Variants in FAM117B observed in about 807,000 individuals in gnomAD.
FAM117B encodes the protein family with sequence similarity 117 member B, also known as protein FAM117B.
Under a neutral mutation model 52.8 loss-of-function variants are expected in FAM117B, and 22 were observed. That is an observed-to-expected ratio of 0.42 (90% CI 0.30 to 0.59). The LOEUF (loss-of-function observed/expected upper bound fraction) is 0.59. FAM117B is among the 20% of genes least tolerant of loss of function. FAM117B has a pLI of 0.22. For missense variants in FAM117B, 678 were observed against 802.6 expected, an observed-to-expected ratio of 0.84 and a Z score of 1.88; for synonymous variants, 309 against 324.1, an observed-to-expected ratio of 0.95 and a Z score of 0.50.
intron 4 of FAM117B, among the ~76,000 whole-genome samples, chr2:202,728,189 G>A (rs1008225243): frequency 1.3e-5 from 2 of 152,010 alleles, no homozygotes; most frequent in African/African-American, 4.8e-5. Context: ...GATGGGGTCT[G>A]TGTTGCCCAA....
chr2:202,691,634 A>G (rs1690625074), intron 1 of FAM117B, among the ~76,000 whole-genome samples: 2 of 145,842 alleles, frequency 1.4e-5, no homozygotes, highest in African/African-American at 5.0e-5. Context: ...TATAATGCAT[A>G]TATACCAGTT....
chr2:202,681,687 A>G (rs924862522), intron 1 of FAM117B, among the ~76,000 whole-genome samples: 2 of 152,252 alleles, frequency 1.3e-5, no homozygotes, highest in African/African-American at 4.8e-5. Context: ...AGAAAATCAG[A>G]ATTTAGAACA....
intron 4 of FAM117B, among the ~76,000 whole-genome samples, chr2:202,739,738 G>A (rs985957201): frequency 3.3e-5 from 5 of 152,098 alleles, no homozygotes; most frequent in African/African-American, 1.2e-4. Context: ...GGAATTACAG[G>A]TGTGAACCAC....
At chr2:202,666,306 G>A (rs1255079737) in intron 1 of FAM117B, among the ~76,000 whole-genome samples, 2 of 151,794 alleles carry the variant, frequency 1.3e-5, no homozygotes, top group East Asian at 1.9e-4. Context: ...GTTTACCTAT[G>A]GTTTTCAGAA....
chr2:202,695,960 G>T lies in FAM117B; in HGVS notation c.681G>T (p.Pro227=). The T allele has an allele frequency of 6.2e-7, 1 of 1,613,992 alleles. No homozygotes were observed. The highest frequency in any genetic ancestry group is 2.2e-5 in the East Asian group (1 of 44,874). ...RTSSLDTLAA[P]YLAGHWPRDS... is the part of the protein sequence containing the mutation. ...CCTCCCTGGATACTCTTGCTGCACC[G>T]TATCTTGCTGGACACTGGCCTCGGG... Residue 227 remains proline (P), a synonymous_variant, in exon 2 of 8, where the codon CCG becomes CCT. Transcript: ENST00000392238.
chr2:202,757,764 T>C (rs1248365497), intron 6 of FAM117B, among the ~76,000 whole-genome samples: 1 of 152,254 alleles, frequency 6.6e-6, no homozygotes, highest in Admixed American at 6.5e-5. Context: ...TGTCACCTGA[T>C]AGTCATGATT....
chr2:202,739,632 T>C (rs1409585350), intron 4 of FAM117B, among the ~76,000 whole-genome samples: 1 of 151,996 alleles, frequency 6.6e-6, no homozygotes, highest in Non-Finnish European at 1.5e-5. Flanking sequence ...ATATTTAAAA[T>C]TTTTTATAGA....
At position 202,722,511 on chromosome 2, in the gene FAM117B, G is replaced by T. The variant is rs796428657; in HGVS notation, c.754-2406G>T. Among the ~76,000 whole-genome samples, 9 of 152,270 alleles carry T rather than the reference G, an allele frequency of 5.9e-5. No homozygotes were observed. The East Asian group carries it at 1.2e-3, about 20-fold the overall frequency. ...CAGCCATAAAAATAAACAAGATCAT[G>T]TCCTTTGCAGGAACATGGATGGAGC... On this transcript the variant is annotated intron_variant, in intron 2 of 7. Coordinates refer to ENST00000392238, the MANE Select transcript of FAM117B (RefSeq NM_173511.4).
intron 2 of FAM117B, among the ~76,000 whole-genome samples, chr2:202,705,242 G>A (rs1355966598): frequency 2.0e-5 from 3 of 151,912 alleles, no homozygotes; most frequent in African/African-American, 7.3e-5. Context: ...GGAGGTGGAG[G>A]TTGCAGTGAG....
chr2:202,637,950 C>T (rs1574535695), intron 1 of FAM117B, among the ~76,000 whole-genome samples: 1 of 150,494 alleles, frequency 6.6e-6, no homozygotes, highest in East Asian at 2.0e-4. Context: ...AATCTTGGCT[C>T]ACTGCAACCT....
intron 2 of FAM117B, among the ~76,000 whole-genome samples, chr2:202,714,533 CTTTTT>C (rs1034689626): frequency 8.5e-6 from 1 of 117,658 alleles, no homozygotes. Flanking sequence ...TTTTTTTTTT[CTTTTT>C]TTTTTTTTTT....
chr2:202,704,663 C>T (rs1384068890), intron 2 of FAM117B, among the ~76,000 whole-genome samples: 1 of 152,188 alleles, frequency 6.6e-6, no homozygotes, highest in East Asian at 1.9e-4. Context: ...ACAATCTCAG[C>T]TCACTGCAGC....
chr2:202,717,632 G>C (rs1313204193), intron 2 of FAM117B, among the ~76,000 whole-genome samples: 1 of 152,148 alleles, frequency 6.6e-6, no homozygotes, highest in Non-Finnish European at 1.5e-5. Flanking sequence ...AGAGACCCTT[G>C]TTCGGTTCTG....
At chr2:202,706,533 A>G (rs937107252) in intron 2 of FAM117B, among the ~76,000 whole-genome samples, 6 of 152,232 alleles carry the variant, frequency 3.9e-5, no homozygotes, top group Admixed American at 1.3e-4. Flanking sequence ...AATATTTGTT[A>G]AACTAGAGGT....
chr2:202,723,522 CG>C (rs1691184546), intron 2 of FAM117B, among the ~76,000 whole-genome samples: 1 of 152,080 alleles, frequency 6.6e-6, no homozygotes. Context: ...GCTATACACA[CG>C]GTACTGAGCC....
chr2:202,677,642 G>A (rs971851573), intron 1 of FAM117B, among the ~76,000 whole-genome samples: 2 of 152,188 alleles, frequency 1.3e-5, no homozygotes, highest in Non-Finnish European at 2.9e-5. Context: ...TACAAACTAA[G>A]TGACAAGTTA....
intron 2 of FAM117B, among the ~76,000 whole-genome samples, chr2:202,709,143 TC>T (rs1354331865): frequency 6.6e-6 from 1 of 152,176 alleles, no homozygotes; most frequent in Non-Finnish European, 1.5e-5. Context: ...TTGTGCATCT[TC>T]TTTGGAGAAA....
At chr2:202,658,405 G>A (rs1690081866) in intron 1 of FAM117B, among the ~76,000 whole-genome samples, 1 of 152,072 alleles carries the variant, frequency 6.6e-6, no homozygotes, top group Non-Finnish European at 1.5e-5. Context: ...CTGGGTTCAG[G>A]TGATCCTCTT....
intron 1 of FAM117B, among the ~76,000 whole-genome samples, chr2:202,687,283 G>C (rs1333059538): frequency 6.6e-6 from 1 of 152,192 alleles, no homozygotes; most frequent in Non-Finnish European, 1.5e-5. Context: ...GTTTACCTGG[G>C]TTCAAGAGTG....
Sources: allele counts gnomAD v4.1 joint callset (sites outside exome capture counted in the v4.1 genomes callset), GRCh38; gene constraint gnomAD v4.1.1; transcripts MANE v1.5; gene names NCBI Gene and HGNC (gene_info 2026-07-23, HGNC 2026-07-21).